Variants in HS6ST3 observed in about 807,000 individuals in gnomAD.
HS6ST3 encodes heparan-sulfate 6-O-sulfotransferase 3.
A neutral mutation model predicts 36.7 loss-of-function variants in HS6ST3; 12 were observed. That is an observed-to-expected ratio of 0.33 (90% CI 0.21 to 0.53). The LOEUF is 0.53. HS6ST3 is among the 20% of genes least tolerant of loss of function. The pLI, the probability that HS6ST3 is intolerant of heterozygous loss-of-function variation, is 0.95. For missense variants in HS6ST3, 584 were observed against 640.9 expected (o/e 0.91, Z 0.96); for synonymous variants, 240 against 257.5 (o/e 0.93, Z 0.65).
intron 1 of HS6ST3, among the ~76,000 whole-genome samples, chr13:96,245,368 G>A (rs964111500): frequency 2.0e-5 from 3 of 152,162 alleles, no homozygotes; most frequent in South Asian, 2.1e-4. Flanking sequence ...CTATCTTACC[G>A]TCTTCAATGG....
intron 1 of HS6ST3, among the ~76,000 whole-genome samples, chr13:96,417,449 T>C (rs1332540433): frequency 6.6e-6 from 1 of 152,228 alleles, no homozygotes; most frequent in Admixed American, 6.5e-5. Context: ...TGGCTGTCAA[T>C]GTAGCACCCC....
chr13:96,207,528 T>G (rs2054376864), intron 1 of HS6ST3, among the ~76,000 whole-genome samples: 1 of 151,946 alleles, frequency 6.6e-6, no homozygotes, highest in Non-Finnish European at 1.5e-5. Flanking sequence ...TACCTGCATG[T>G]GTATGTTCAT....
At chr13:96,640,199 G>A (rs1454879970) in intron 1 of HS6ST3, among the ~76,000 whole-genome samples, 1 of 151,822 alleles carries the variant, frequency 6.6e-6, no homozygotes, top group Non-Finnish European at 1.5e-5. Context: ...GCATATTAGT[G>A]TTCCCTTTTC....
chr13:96,217,072 C>T (rs565099761), intron 1 of HS6ST3, among the ~76,000 whole-genome samples: 56 of 152,252 alleles, frequency 3.7e-4, no homozygotes, highest in Admixed American at 7.8e-4. Context: ...TCTCCTTCTT[C>T]GATCCAATGG....
At chr13:96,346,307 G>T (rs1185201164) in intron 1 of HS6ST3, among the ~76,000 whole-genome samples, 5 of 152,188 alleles carry the variant, frequency 3.3e-5, no homozygotes, top group Non-Finnish European at 7.4e-5. Flanking sequence ...GGGTGCGGTG[G>T]CTCATGCCTG....
intron 1 of HS6ST3, among the ~76,000 whole-genome samples, chr13:96,581,221 T>TA (rs927106731): frequency 8.2e-6 from 1 of 122,264 alleles, no homozygotes; most frequent in African/African-American, 2.9e-5. Flanking sequence ...CAACAACTAC[T>TA]ATTTTTTTTT....
intron 1 of HS6ST3, among the ~76,000 whole-genome samples, chr13:96,255,060 G>GA: frequency 6.6e-6 from 1 of 152,204 alleles, no homozygotes; most frequent in Middle Eastern, 3.4e-3. Context: ...TCTTACTTTT[G>GA]GAAATATACT....
intron 1 of HS6ST3, among the ~76,000 whole-genome samples, chr13:96,686,573 G>A (rs1005506898): frequency 6.6e-6 from 1 of 151,936 alleles, no homozygotes; most frequent in Non-Finnish European, 1.5e-5. Context: ...CTATTACTGA[G>A]ACACTGAAGG....
chr13:96,660,929 G>C (rs2056644118), intron 1 of HS6ST3, among the ~76,000 whole-genome samples: 1 of 152,130 alleles, frequency 6.6e-6, no homozygotes, highest in African/African-American at 2.4e-5. Context: ...GTGGGAAGAA[G>C]GTGGAAGAAG....
At chr13:96,737,361 C>A (rs1876309521) in intron 1 of HS6ST3, among the ~76,000 whole-genome samples, 1 of 151,412 alleles carries the variant, frequency 6.6e-6, no homozygotes, top group African/African-American at 2.4e-5. Flanking sequence ...CGCGGTGGTT[C>A]ACGCCTGTAA....
At chr13:96,319,289 A>G in intron 1 of HS6ST3, among the ~76,000 whole-genome samples, 1 of 152,194 alleles carries the variant, frequency 6.6e-6, no homozygotes, top group East Asian at 1.9e-4. Flanking sequence ...ATTTATCACA[A>G]TGTTTTCAAG....
intron 1 of HS6ST3, among the ~76,000 whole-genome samples, chr13:96,645,147 A>T (rs1313373617): frequency 6.6e-6 from 1 of 151,918 alleles, no homozygotes; most frequent in Non-Finnish European, 1.5e-5. Flanking sequence ...ACTTCTGGTA[A>T]ATGTTCTCAC....
chr13:96,192,816 CATG>C (rs1240771346), intron 1 of HS6ST3, among the ~76,000 whole-genome samples: 4 of 151,958 alleles, frequency 2.6e-5, no homozygotes, highest in Admixed American at 1.3e-4. Context: ...TTTTAAAAGA[CATG>C]ATGGATAGTA....
At chr13:96,153,779 T>C (rs928888119) in intron 1 of HS6ST3, among the ~76,000 whole-genome samples, 1 of 152,260 alleles carries the variant, frequency 6.6e-6, no homozygotes, top group Admixed American at 6.5e-5. Context: ...TCAACCTTTA[T>C]TAATGGAGGT....
chr13:96,494,800 A>C (rs897647888), intron 1 of HS6ST3, among the ~76,000 whole-genome samples: 1 of 152,184 alleles, frequency 6.6e-6, no homozygotes, highest in Non-Finnish European at 1.5e-5. Flanking sequence ...TGATGGAATA[A>C]AACTGACTGC....
At chr13:96,651,539 C>G (rs1204597279) in intron 1 of HS6ST3, among the ~76,000 whole-genome samples, 2 of 152,078 alleles carry the variant, frequency 1.3e-5, no homozygotes, top group Non-Finnish European at 2.9e-5. Flanking sequence ...CTGTACCCTC[C>G]TCATCACATG....
At chr13:96,577,741 A>T (rs1455035341) in intron 1 of HS6ST3, among the ~76,000 whole-genome samples, 1 of 152,234 alleles carries the variant, frequency 6.6e-6, no homozygotes, top group Non-Finnish European at 1.5e-5. Flanking sequence ...CATGAAAAAA[A>T]GCTCATCGTC....
chr13:96,464,922 T>G lies in HS6ST3; in HGVS notation c.708-367568T>G, dbSNP rs192723043. On this transcript the variant is annotated intron_variant, in intron 1 of 1. Coordinates refer to ENST00000376705, the MANE Select transcript of HS6ST3 (RefSeq NM_153456.4). ...TCCACAGTGTCCATAGTAAGTGCAT[T>G]ATCTACTATATTGGCAAGATGCTTC... Among the ~76,000 whole-genome samples the G allele has an allele frequency of 1.0e-3, 155 of 150,616 alleles. 1 individual carries two copies. The highest frequency in any genetic ancestry group is 3.6e-3 in the African/African-American group (149 of 41,076).
At chr13:96,313,524 A>G (rs1030378128) in intron 1 of HS6ST3, among the ~76,000 whole-genome samples, 2 of 151,910 alleles carry the variant, frequency 1.3e-5, no homozygotes, top group Admixed American at 1.3e-4. Context: ...ATTCTCATTT[A>G]CGTATCTTAG....
Sources: allele counts gnomAD v4.1 joint callset (sites outside exome capture counted in the v4.1 genomes callset), GRCh38; gene constraint gnomAD v4.1.1; transcripts MANE v1.5; gene names NCBI Gene and HGNC (gene_info 2026-07-23, HGNC 2026-07-21).